The following FNBP1 variants were observed in gnomAD, a reference collection of about 807,000 sequenced individuals.
FNBP1 encodes formin binding protein 1.
A neutral mutation model predicts 90.6 loss-of-function variants in FNBP1; 26 were observed. The ratio of observed to expected loss-of-function variants is 0.29; its 90% CI spans 0.21 to 0.40. FNBP1 has a LOEUF of 0.40. Ranked by LOEUF, FNBP1 falls within the 10% of genes least tolerant of loss-of-function variation. The probability of loss-of-function intolerance (pLI) is 1.00; values close to 1 mark genes in which losing one functional copy is unlikely to be tolerated. For missense variants in FNBP1, 635 were observed against 768.0 expected (o/e 0.83, Z 2.05); for synonymous variants, 260 against 265.2 (o/e 0.98, Z 0.19).
chr9:129,932,018 C>T (rs1039018108), intron 6 of FNBP1, among the ~76,000 whole-genome samples: 2 of 151,874 alleles, frequency 1.3e-5, no homozygotes, highest in African/African-American at 4.8e-5. Flanking sequence ...TGAGACCATC[C>T]TGGCCAACAT....
chr9:129,943,057 G>A (rs950364794), intron 6 of FNBP1, among the ~76,000 whole-genome samples: 2 of 152,164 alleles, frequency 1.3e-5, no homozygotes, highest in African/African-American at 2.4e-5. Context: ...GTCCCACAGA[G>A]TCCCCTGTCC....
chr9:129,906,396 A>G (rs2038061093), intron 12 of FNBP1, among the ~76,000 whole-genome samples: 1 of 152,124 alleles, frequency 6.6e-6, no homozygotes, highest in South Asian at 2.1e-4. Context: ...TAGCTCCCAT[A>G]TCCCCATGTG....
intron 1 of FNBP1, among the ~76,000 whole-genome samples, chr9:130,008,221 C>T (rs908563671): frequency 5.9e-5 from 9 of 151,522 alleles, no homozygotes; most frequent in African/African-American, 1.9e-4. Context: ...TGGTGTCATG[C>T]GCCTGTGGGT....
rs1234301466 is a variant in FNBP1, at chr9:129,890,369, C to CG, written c.*169dup. On this transcript the variant is annotated 3_prime_UTR_variant, in exon 17 of 17. Transcript: ENST00000446176. This position sits in a 1 kb window ranked among gnomAD's most constrained non-coding sequence, Gnocchi z 5.8. ...CCCCCACGAGGTGGCCCGGGCTGGG[C>CG]GGGAGGGCAGGGCCGCAGGGAGCAT... The CG allele has an allele frequency of 1.8e-5, 10 of 547,908 alleles. No individual in the cohort carries two copies. Among genetic ancestry groups the CG allele is most frequent in the Non-Finnish European group, 2.9e-5 (9 of 306,764 alleles). The allele number at this position is 547,908 out of a possible 1,614,324, so 33.9% of individuals were successfully genotyped here.
At chr9:129,991,447 A>G (rs553435710) in intron 2 of FNBP1, among the ~76,000 whole-genome samples, 2 of 149,444 alleles carry the variant, frequency 1.3e-5, no homozygotes, top group East Asian at 4.0e-4. Flanking sequence ...ATTTTTTAAA[A>G]TTCTTTTTAG....
In FNBP1 at chr9:129,887,804, A is replaced by T. The variant is rs2034839414; in HGVS notation, c.*2735T>A. On this transcript the variant is annotated 3_prime_UTR_variant, in exon 17 of 17. Coordinates refer to ENST00000446176, the MANE Select transcript of FNBP1 (RefSeq NM_015033.3). Reference sequence around the variant, plus strand: ...ATTAGTCATCTTACAACACAACAGTATTCTAGCACGGTGGCGAAGTGACAG... The same window carrying T: ...ATTAGTCATCTTACAACACAACAGTTTTCTAGCACGGTGGCGAAGTGACAG... 1 of 230,074 alleles carries T rather than the reference A, an allele frequency of 4.3e-6. No homozygotes were observed. The highest frequency in any genetic ancestry group is 2.2e-5 in the African/African-American group (1 of 45,160). The allele number at this position is 230,074 out of a possible 1,614,324, so 14.3% of individuals were successfully genotyped here. A position where few individuals can be genotyped will look rare whatever the true frequency, so the allele number is the denominator to read the frequency against.
intron 10 of FNBP1, among the ~76,000 whole-genome samples, chr9:129,917,547 T>G (rs1456944291): frequency 6.6e-6 from 1 of 151,936 alleles, no homozygotes; most frequent in African/African-American, 2.4e-5. Flanking sequence ...GTTGCCCAGG[T>G]TGATATCGAA....
At chr9:129,993,643 GAGA>G (rs2053554947) in intron 2 of FNBP1, among the ~76,000 whole-genome samples, 2 of 79,412 alleles carry the variant, frequency 2.5e-5, no homozygotes, top group African/African-American at 5.1e-5. Context: ...TTTTTTTTTT[GAGA>G]AGGAGTCTTA....
At chr9:130,005,755 G>C (rs769733193) in intron 1 of FNBP1, among the ~76,000 whole-genome samples, 1 of 152,212 alleles carries the variant, frequency 6.6e-6, no homozygotes, top group Non-Finnish European at 1.5e-5. Context: ...TAAATTACAT[G>C]TGAAAGGCAG....
Position 129,889,794 on chromosome 9 carries a change from G to A in FNBP1, c.*745C>T, listed in dbSNP as rs557496972. On this transcript the variant is annotated 3_prime_UTR_variant, in exon 17 of 17. Transcript: ENST00000446176. Reference sequence around the variant, plus strand: ...GTGGACACAGGCGAGTCAACAAGGCGAGCTGGAATTCGACTTCCAGTGTGG... The same window carrying A: ...GTGGACACAGGCGAGTCAACAAGGCAAGCTGGAATTCGACTTCCAGTGTGG... 1.1e-4 allele frequency: 25 copies of A among 232,638 alleles called. No individual in the cohort carries two copies. Among genetic ancestry groups the A allele is most frequent in the African/African-American group, 4.6e-4 (21 of 45,366 alleles). The allele number at this position is 232,638 out of a possible 1,614,324, so 14.4% of individuals were successfully genotyped here. A position where few individuals can be genotyped will look rare whatever the true frequency, so the allele number is the denominator to read the frequency against.
rs183896344 is a variant in FNBP1 at position 129,956,396 on chromosome 9, C to A, written c.513+964G>T. ...CTATGAATGCCCAAACAACCATGGG[C>A]ATCATGAATGAGTCCTTGTTATGTA... On this transcript the variant is annotated intron_variant, in intron 6 of 16. Transcript: ENST00000446176. 4.6e-5 allele frequency among the ~76,000 whole-genome samples: 7 copies of A among 152,234 alleles called. No homozygotes were observed. In the South Asian group the frequency reaches 1.2e-3, roughly 27 times the overall value.
intron 1 of FNBP1, among the ~76,000 whole-genome samples, chr9:130,032,404 C>T (rs1455662102): frequency 1.3e-5 from 2 of 152,166 alleles, no homozygotes; most frequent in African/African-American, 4.8e-5. Flanking sequence ...CGCCTGAGTT[C>T]AAGCTATCCT....
intron 6 of FNBP1, among the ~76,000 whole-genome samples, chr9:129,930,566 C>T (rs770352232): frequency 1.2e-4 from 19 of 152,106 alleles, no homozygotes; most frequent in Admixed American, 3.3e-4. Flanking sequence ...TACTGCATTG[C>T]TTTTCTCCTA....
At chr9:129,895,755 G>GT (rs1313043363) in intron 16 of FNBP1, 83 bp downstream of exon 16, 3 of 1,442,736 alleles carry the variant, frequency 2.1e-6, no homozygotes, top group African/African-American at 2.9e-5. Flanking sequence ...GGAACTGCCT[G>GT]TAACAGTCAT....
chr9:129,927,004 G>A (rs1412139876), intron 8 of FNBP1, among the ~76,000 whole-genome samples, 191 bp downstream of exon 8: 1 of 151,888 alleles, frequency 6.6e-6, no homozygotes, highest in Non-Finnish European at 1.5e-5. Context: ...GTCATGTCTC[G>A]GACAATTTAC....
intron 4 of FNBP1, among the ~76,000 whole-genome samples, chr9:129,968,153 G>A (rs906770858): frequency 6.6e-6 from 1 of 152,140 alleles, no homozygotes; most frequent in African/African-American, 2.4e-5. Context: ...CCAGCACTTT[G>A]GGAGGCCGAG....
chr9:129,902,371 G>A (rs1277062046), intron 13 of FNBP1, among the ~76,000 whole-genome samples: 1 of 152,206 alleles, frequency 6.6e-6, no homozygotes, highest in Non-Finnish European at 1.5e-5. Flanking sequence ...GCCAAGGTGG[G>A]AGGATGGCTT....
chr9:129,942,214 A>T (rs1368518829), intron 6 of FNBP1, among the ~76,000 whole-genome samples: 1 of 152,230 alleles, frequency 6.6e-6, no homozygotes, highest in Non-Finnish European at 1.5e-5. Flanking sequence ...AAAATTTACC[A>T]GTCACAAACT....
At chr9:129,956,359 T>C (rs557525825) in intron 6 of FNBP1, among the ~76,000 whole-genome samples, 8 of 152,312 alleles carry the variant, frequency 5.3e-5, no homozygotes, top group Non-Finnish European at 1.0e-4. Context: ...TTCACCCACA[T>C]ACAGCATGAA....
Sources: gnomAD v4.1 joint callset for allele counts (sites outside exome capture counted in the v4.1 genomes callset) on GRCh38, gnomAD v4.1.1 for gene constraint, Gnocchi (gnomAD v3.1) non-coding constraint, MANE v1.5 for transcripts, NCBI Gene and HGNC (gene_info 2026-07-23, HGNC 2026-07-21) for gene names.